RANBP2: variants seen among roughly 807,000 people sequenced by gnomAD.
The protein encoded by RANBP2 is RAN binding protein 2.
Under a neutral mutation model 303.6 loss-of-function variants are expected in RANBP2, and 57 were observed. That is an observed-to-expected ratio of 0.19 (90% CI 0.15 to 0.23). RANBP2 has a LOEUF of 0.23. Ranked by LOEUF, RANBP2 falls within the 10% of genes least tolerant of loss-of-function variation. The pLI is 1.00. For synonymous variants in RANBP2, 1,167 were observed against 1,301.5 expected, an observed-to-expected ratio of 0.90 and a Z score of 2.23; for missense variants, 3,138 against 3,780.8, an observed-to-expected ratio of 0.83 and a Z score of 4.46.
the RANBP2 span, among the ~76,000 whole-genome samples, chr2:108,915,148 C>T: frequency 6.6e-6 from 1 of 152,326 alleles, no homozygotes; most frequent in East Asian, 1.9e-4. Flanking sequence ...AAGTGATCCA[C>T]CTGCCTTGGC....
the RANBP2 span, among the ~76,000 whole-genome samples, chr2:109,141,206 A>AT: frequency 8.5e-5 from 13 of 152,088 alleles, no homozygotes; most frequent in African/African-American, 2.9e-4. Context: ...TTCTGGCTCC[A>AT]TTTTTATTTG....
the RANBP2 span, among the ~76,000 whole-genome samples, chr2:109,334,476 G>A: frequency 2.6e-5 from 4 of 152,024 alleles, no homozygotes; most frequent in South Asian, 2.1e-4. Flanking sequence ...AGAACCCTGC[G>A]GACTTTCCTC....
At position 108,781,308 on chromosome 2, in the gene RANBP2, T is replaced by A; in HGVS notation, c.8639T>A (p.Phe2880Tyr). 1 of 1,614,140 alleles carries A rather than the reference T, an allele frequency of 6.2e-7. No individual in the cohort carries two copies. Among genetic ancestry groups the A allele is most frequent in the Admixed American group, 1.7e-5 (1 of 60,026 alleles). ...FQWANTGAAV[F>Y]GTQSVGTQSA... The stretch of plus-strand genomic sequence containing the variant: ...TGGGCAAATACTGGAGCAGCTGTGT[T>A]TGGAACACAGTCAGTCGGAACCCAG... The change falls in exon 26 of 29, where the codon TTT becomes TAT. Residue 2880 changes from phenylalanine to tyrosine, a missense_variant. By Grantham distance (22) the Phe-to-Tyr change is conservative. Around this residue, in one of 20 missense-constraint regions of RANBP2, gnomAD observed 497 missense variants for 465.8 expected, o/e 1.07. Coordinates refer to ENST00000283195, the MANE Select transcript of RANBP2 (RefSeq NM_006267.5).
chr2:108,764,887 T>G lies in RANBP2; in HGVS notation c.4348T>G (p.Ser1450Ala). The G allele has an allele frequency of 6.2e-7, 1 of 1,614,020 alleles. No homozygotes were observed. The highest frequency in any genetic ancestry group is 8.5e-7 in the Non-Finnish European group (1 of 1,179,920). The stretch of plus-strand genomic sequence containing the variant: ...AAAATCTGCTAACAAAAGTGGATCT[T>G]CATTTGTTCATCAAGCTTCATTTAA... ...NTKSANKSGSSFVHQASFKFG... is the reference protein window; with the variant it reads ...NTKSANKSGSAFVHQASFKFG... Residue 1450 changes from serine to alanine, a missense_variant, in exon 20 of 29, where the codon TCA (serine) becomes GCA (alanine). Transcript: ENST00000283195.
the RANBP2 span, among the ~76,000 whole-genome samples, chr2:109,094,966 C>T: frequency 6.6e-6 from 1 of 152,104 alleles, no homozygotes; most frequent in Admixed American, 6.5e-5. Context: ...TTTAAAAATA[C>T]AGTTTTAAAG....
At chr2:109,027,374 T>A in the RANBP2 span, among the ~76,000 whole-genome samples, 5 of 152,128 alleles carry the variant, frequency 3.3e-5, no homozygotes, top group Non-Finnish European at 5.9e-5. Flanking sequence ...AGACATCTTG[T>A]TCCTTTGTGG....
the RANBP2 span, among the ~76,000 whole-genome samples, chr2:108,822,776 G>A: frequency 6.6e-6 from 1 of 152,242 alleles, no homozygotes; most frequent in South Asian, 2.1e-4. Context: ...AAAATTTATA[G>A]GATGCAGTGT....
chr2:108,763,141 C>A, intron 19 of RANBP2, 96 bp from the exon 20 acceptor site: 2 of 1,346,814 alleles, frequency 1.5e-6, no homozygotes, highest in Non-Finnish European at 1.0e-6. Flanking sequence ...TTCTTCACTT[C>A]ATATTCATGT....
the RANBP2 span, among the ~76,000 whole-genome samples, chr2:109,494,506 G>A: frequency 6.6e-6 from 1 of 152,226 alleles, no homozygotes; most frequent in East Asian, 1.9e-4. Context: ...GACAGCACCA[G>A]AGAGCACTTG....
chr2:109,260,395 C>G, the RANBP2 span, among the ~76,000 whole-genome samples: 1 of 152,294 alleles, frequency 6.6e-6, no homozygotes, highest in African/African-American at 2.4e-5. Flanking sequence ...ACCACCAAAG[C>G]AGGAGAGCAG....
At chr2:109,017,960 G>T in the RANBP2 span, among the ~76,000 whole-genome samples, 1 of 152,218 alleles carries the variant, frequency 6.6e-6, no homozygotes, top group Non-Finnish European at 1.5e-5. Context: ...TGGTGGAAAT[G>T]GTGGTGGAGA....
chr2:108,737,715 A>G (rs1573722651), intron 6 of RANBP2, among the ~76,000 whole-genome samples: 1 of 129,178 alleles, frequency 7.7e-6, no homozygotes, highest in Non-Finnish European at 1.7e-5. Flanking sequence ...CACCTGGCTA[A>G]TTTTTTTTTT....
chr2:109,526,509 G>T, the RANBP2 span, among the ~76,000 whole-genome samples: 3 of 152,014 alleles, frequency 2.0e-5, no homozygotes, highest in African/African-American at 7.2e-5. Context: ...GCAGGGTTTT[G>T]CCATGTTAGC....
chr2:108,868,371 C>T, the RANBP2 span, among the ~76,000 whole-genome samples: 1 of 152,124 alleles, frequency 6.6e-6, no homozygotes, highest in East Asian at 1.9e-4. Context: ...GATTTAAATA[C>T]TTTCCACCAA....
At chr2:109,599,220 G>A in the RANBP2 span, among the ~76,000 whole-genome samples, 3 of 152,076 alleles carry the variant, frequency 2.0e-5, no homozygotes. Context: ...CACTCTGGGA[G>A]GCCAAGACCG....
chr2:108,942,076 A>C, the RANBP2 span, among the ~76,000 whole-genome samples: 1 of 152,174 alleles, frequency 6.6e-6, no homozygotes, highest in Non-Finnish European at 1.5e-5. Flanking sequence ...TGTGTTTGGA[A>C]GTGGACCTGC....
the RANBP2 span, chr2:109,129,378 G>A: frequency 1.7e-6 from 2 of 1,155,614 alleles, no homozygotes; most frequent in African/African-American, 1.6e-5. Context: ...CGGTCGGTGA[G>A]CCACTTCGCA....
At chr2:109,392,515 CT>C in the RANBP2 span, among the ~76,000 whole-genome samples, 98 of 146,434 alleles carry the variant, frequency 6.7e-4, no homozygotes, top group Admixed American at 7.5e-4. Context: ...CTTGCTTCTT[CT>C]TTTTTTTTTT....
At chr2:109,295,635 T>C in the RANBP2 span, among the ~76,000 whole-genome samples, 1 of 152,116 alleles carries the variant, frequency 6.6e-6, no homozygotes, top group East Asian at 1.9e-4. Flanking sequence ...TGCTGCAGAC[T>C]CACTGCAGCC....
Sources: gnomAD v4.1 joint callset for allele counts (sites outside exome capture counted in the v4.1 genomes callset) on GRCh38, gnomAD v4.1.1 for gene constraint, gnomAD v4.1.1 regional missense constraint, MANE v1.5 for transcripts, NCBI Gene and HGNC (gene_info 2026-07-23, HGNC 2026-07-21) for gene names.